SLC26A8: variants seen among roughly 807,000 people sequenced by gnomAD.
SLC26A8 encodes solute carrier family 26 member 8.
Under a neutral mutation model 105.0 loss-of-function variants are expected in SLC26A8, and 70 were observed. The observed-to-expected ratio is 0.67, with a 90% CI of 0.55 to 0.81. SLC26A8 has a LOEUF of 0.81. Ranked by LOEUF, SLC26A8 falls within the 40% of genes least tolerant of loss-of-function variation. SLC26A8 has a pLI of 0.00. For synonymous variants in SLC26A8, 415 were observed against 438.3 expected, an observed-to-expected ratio of 0.95 and a Z score of 0.66; for missense variants, 998 against 1,181.8, an observed-to-expected ratio of 0.84 and a Z score of 2.28.
intron 5 of SLC26A8, among the ~76,000 whole-genome samples, chr6:35,996,123 T>A (rs944645995): frequency 5.9e-5 from 9 of 152,312 alleles, no homozygotes; most frequent in African/African-American, 1.9e-4. Context: ...ATTCCTGCTT[T>A]ATACATGAGG....
intron 5 of SLC26A8, among the ~76,000 whole-genome samples, chr6:35,995,919 A>G (rs1761338945): frequency 6.6e-6 from 1 of 152,180 alleles, no homozygotes; most frequent in Non-Finnish European, 1.5e-5. Context: ...TTATCCCACA[A>G]GATTAAACTT....
Position 36,019,552 on chromosome 6 carries a change from G to A in SLC26A8, c.156C>T (p.Asn52=). The A allele has an allele frequency of 6.2e-7, 1 of 1,613,966 alleles. No individual in the cohort carries two copies. The change falls in exon 2 of 20, where the codon AAC becomes AAT. Residue 52 remains asparagine (N), a synonymous_variant. Coordinates refer to ENST00000490799, the MANE Select transcript of SLC26A8 (RefSeq NM_052961.4). ...KASSSGNMNI[N]ITTFRHHVQC... ...GGACGTGGTGTCTGAAGGTGGTGAT[G>A]TTGATGTTCATGTTCCCAGAAGAGG...
At chr6:35,956,926 A>C (rs1772091976) in intron 16 of SLC26A8, among the ~76,000 whole-genome samples, 1 of 54,132 alleles carries the variant, frequency 1.8e-5, no homozygotes, top group Non-Finnish European at 3.4e-5. Context: ...TCTCAAAAGA[A>C]AAAAAAAAAA....
At chr6:35,977,027 T>A (rs1425631421) in intron 9 of SLC26A8, among the ~76,000 whole-genome samples, 177 bp downstream of exon 9, 8 of 152,186 alleles carry the variant, frequency 5.3e-5, no homozygotes, top group African/African-American at 1.7e-4. Context: ...ACACTCAGGT[T>A]AATTCAAGTG....
intron 1 of SLC26A8, among the ~76,000 whole-genome samples, chr6:36,023,412 G>C (rs540780494): frequency 1.1e-4 from 16 of 152,022 alleles, no homozygotes; most frequent in African/African-American, 3.6e-4. Flanking sequence ...AGCCGAGCAT[G>C]ATGGCGTGCC....
intron 7 of SLC26A8, 122 bp from the exon 8 acceptor site, chr6:35,982,325 C>T (rs1032269528): frequency 1.5e-5 from 13 of 844,384 alleles, no homozygotes; most frequent in Middle Eastern, 2.2e-4. Flanking sequence ...GCAGCAGTCC[C>T]TATGCATGCA....
rs367670633 is a variant in SLC26A8 at position 36,019,645 on chromosome 6, G to A, written c.63C>T (p.Phe21=). ...ATACTTCACGCTTAACATCATATGC[G>A]AATGAGTTTCGCCTGGACTTAGAGC... is the stretch of plus-strand genomic sequence containing the variant. The part of the protein sequence containing the change: ...GFSSKSRRNS[F]AYDVKREVYN... The change falls in exon 2 of 20, where the codon TTC becomes TTT. Residue 21 remains phenylalanine (F), a synonymous_variant. Transcript: ENST00000490799. 12 of 1,613,974 alleles carry A rather than the reference G, an allele frequency of 7.4e-6. No individual in the cohort carries two copies. The South Asian group carries it at 7.7e-5, about 10-fold the overall frequency.
intron 7 of SLC26A8, among the ~76,000 whole-genome samples, chr6:35,990,699 A>G (rs1761115342): frequency 6.6e-6 from 1 of 152,214 alleles, no homozygotes; most frequent in Non-Finnish European, 1.5e-5. Context: ...GTAGAAAAAG[A>G]CGGAAATTCA....
Position 35,944,077 on chromosome 6 carries a change from G to T in SLC26A8, c.2736C>A (p.Pro912=). The T allele has an allele frequency of 6.2e-7, 1 of 1,614,066 alleles. No homozygotes were observed. Among genetic ancestry groups the T allele is most frequent in the Non-Finnish European group, 8.5e-7 (1 of 1,179,988 alleles). The change falls in exon 20 of 20, where the codon CCC becomes CCA. Residue 912 remains proline, a synonymous_variant. Transcript: ENST00000490799. The part of the protein sequence containing the change: ...PQPETEPEME[P]NPKSRPRAHT... ...GAGCTCTTGGCCTAGATTTGGGGTT[G>T]GGCTCCATCTCAGGCTCAGTCTCAG...
intron 10 of SLC26A8, among the ~76,000 whole-genome samples, chr6:35,970,416 G>C (rs1772745682): frequency 4.6e-5 from 7 of 152,170 alleles, no homozygotes; most frequent in Admixed American, 4.6e-4. Context: ...TCACATGAGA[G>C]TAGTGTAGGA....
intron 7 of SLC26A8, among the ~76,000 whole-genome samples, chr6:35,983,508 G>T (rs1294736750): frequency 6.6e-6 from 1 of 151,288 alleles, no homozygotes; most frequent in Non-Finnish European, 1.5e-5. Flanking sequence ...GATCTCAGTT[G>T]TTGCCTTGAA....
At chr6:35,963,866 GATTTACTAATGAAATACC>G (rs1772404557) in intron 11 of SLC26A8, among the ~76,000 whole-genome samples, 1 of 152,162 alleles carries the variant, frequency 6.6e-6, no homozygotes, top group African/African-American at 2.4e-5. Flanking sequence ...ATACTGTAAT[GATTTACTAATGAAATACC>G]ATTTTGTTTA....
chr6:35,989,569 A>G (rs943368943), intron 7 of SLC26A8: 1 of 152,252 alleles, frequency 6.6e-6, no homozygotes, highest in African/African-American at 2.4e-5. Flanking sequence ...GAATTGAAAC[A>G]TGGAGAATAA....
intron 3 of SLC26A8, among the ~76,000 whole-genome samples, chr6:36,006,504 G>A (rs1401202398): frequency 6.6e-6 from 1 of 152,100 alleles, no homozygotes; most frequent in East Asian, 1.9e-4. Context: ...TTACTCTAAT[G>A]CCATTCTTAT....
At chr6:35,960,564 G>C in intron 14 of SLC26A8, 1 of 370,190 alleles carries the variant, frequency 2.7e-6, no homozygotes, top group Non-Finnish European at 4.8e-6. Context: ...GCTGAGGCAG[G>C]AGAATTGCTT....
intron 3 of SLC26A8, among the ~76,000 whole-genome samples, chr6:36,003,600 C>T (rs1026555260): frequency 6.6e-6 from 1 of 152,030 alleles, no homozygotes; most frequent in East Asian, 1.9e-4. Context: ...TACAACACCA[C>T]CTCTCCCCAC....
chr6:36,004,703 G>A (rs1224891978), intron 3 of SLC26A8, among the ~76,000 whole-genome samples: 2 of 151,478 alleles, frequency 1.3e-5, no homozygotes, highest in African/African-American at 4.9e-5. Context: ...TGTCACCCAG[G>A]CTGGAGTGCG....
intron 4 of SLC26A8, among the ~76,000 whole-genome samples, 190 bp from the exon 5 acceptor site, chr6:35,998,109 G>T (rs546671971): frequency 7.2e-5 from 11 of 152,330 alleles, no homozygotes; most frequent in African/African-American, 2.6e-4. Context: ...ACCAACTCAT[G>T]GGATTTAGAT....
intron 11 of SLC26A8, among the ~76,000 whole-genome samples, chr6:35,968,408 G>A (rs1294097428): frequency 1.3e-5 from 2 of 151,578 alleles, no homozygotes; most frequent in Non-Finnish European, 2.9e-5. Context: ...GCCTCCCAAA[G>A]TGCTGGGATT....
Sources: allele counts gnomAD v4.1 joint callset (sites outside exome capture counted in the v4.1 genomes callset), GRCh38; gene constraint gnomAD v4.1.1; transcripts MANE v1.5; gene names NCBI Gene and HGNC (gene_info 2026-07-23, HGNC 2026-07-21).